The following CADM2 variants were observed in gnomAD, a reference collection of about 807,000 sequenced individuals.
CADM2 encodes immunoglobulin superfamily member 4D.
In CADM2, 12 loss-of-function variants were observed where a neutral mutation model predicts 49.8. That is an observed-to-expected ratio of 0.24 (90% CI 0.15 to 0.39). The LOEUF is 0.39. Ranked by LOEUF, CADM2 falls within the 10% of genes least tolerant of loss-of-function variation. CADM2 has a pLI of 1.00. For missense variants in CADM2, 378 were observed against 492.3 expected (o/e 0.77, Z 2.20); for synonymous variants, 214 against 175.4 (o/e 1.22, Z -1.74).
rs374225947 is a variant in CADM2, at chr3:85,640,309, A to G, written c.62-86213A>G. On this transcript the variant is annotated intron_variant, in intron 1 of 9. Transcript: ENST00000383699. ...CAGATTTTCAGATGTTGTTGAACGA[A>G]TGAGCAGAGCACAATCCATGTTTAA... Among the ~76,000 whole-genome samples the G allele has an allele frequency of 6.6e-4, 101 of 152,336 alleles. 1 individual carries two copies. Among genetic ancestry groups the G allele is most frequent in the African/African-American group, 2.2e-3 (91 of 41,578 alleles).
chr3:85,382,301 A>C (rs1233775734), intron 1 of CADM2, among the ~76,000 whole-genome samples: 2 of 152,158 alleles, frequency 1.3e-5, no homozygotes, highest in African/African-American at 4.8e-5. Flanking sequence ...AAAGGCCTCT[A>C]TGAGGTGTAA....
At chr3:85,173,156 G>T (rs550429298) in intron 1 of CADM2, among the ~76,000 whole-genome samples, 1 of 150,800 alleles carries the variant, frequency 6.6e-6, no homozygotes, top group East Asian at 2.0e-4. Flanking sequence ...CACCATGCCT[G>T]GCTAATTTTT....
chr3:85,971,695 A>G (rs1157654201), intron 8 of CADM2, among the ~76,000 whole-genome samples: 4 of 151,712 alleles, frequency 2.6e-5, no homozygotes, highest in South Asian at 2.1e-4. Context: ...GCTAAATGAT[A>G]TAGGATAATC....
rs564422108 is a variant in CADM2 at position 85,842,858 on chromosome 3, T to C, written c.239-40433T>C. Among the ~76,000 whole-genome samples, 18 of 152,244 alleles carry C rather than the reference T, an allele frequency of 1.2e-4. No individual in the cohort carries two copies. In the South Asian group the frequency reaches 3.7e-3, roughly 32 times the overall value. On this transcript the variant is annotated intron_variant, in intron 3 of 9. Transcript: ENST00000383699. ...TTCATTAGATATTAGATTCATAAAT[T>C]AGTAGATATTATACACAAAAGTTAT...
intron 5 of CADM2, among the ~76,000 whole-genome samples, chr3:85,903,207 T>A (rs1716349016): frequency 6.6e-6 from 1 of 152,134 alleles, no homozygotes. Context: ...CCCTGAATAA[T>A]CTTTGTTCTG....
intron 1 of CADM2, among the ~76,000 whole-genome samples, chr3:85,272,504 G>A (rs540719715): frequency 1.3e-5 from 2 of 151,264 alleles, no homozygotes; most frequent in Non-Finnish European, 3.0e-5. Flanking sequence ...CTATAAAAAT[G>A]CTTATTTTCT....
intron 1 of CADM2, among the ~76,000 whole-genome samples, chr3:85,554,756 C>T (rs548929831): frequency 5.3e-5 from 8 of 152,144 alleles, no homozygotes; most frequent in South Asian, 2.1e-4. Flanking sequence ...ATTGCAGTAG[C>T]GTGATCAGCT....
At chr3:85,974,872 A>T (rs1359710166) in intron 8 of CADM2, among the ~76,000 whole-genome samples, 1 of 151,606 alleles carries the variant, frequency 6.6e-6, no homozygotes. Flanking sequence ...TGAAAACAGT[A>T]CTTTATATAT....
intron 2 of CADM2, among the ~76,000 whole-genome samples, chr3:85,759,852 T>G (rs1035912043): frequency 6.6e-6 from 1 of 152,106 alleles, no homozygotes; most frequent in African/African-American, 2.4e-5. Context: ...TTGCTAGCTT[T>G]CAAGCAACAG....
intron 1 of CADM2, among the ~76,000 whole-genome samples, chr3:85,322,112 G>A (rs546560621): frequency 3.3e-5 from 5 of 152,054 alleles, no homozygotes; most frequent in Admixed American, 2.6e-4. Flanking sequence ...TTTATCTAAG[G>A]GTCAAAGTAC....
intron 1 of CADM2, among the ~76,000 whole-genome samples, chr3:85,106,436 A>G (rs983558059): frequency 2.5e-4 from 38 of 152,262 alleles, no homozygotes; most frequent in African/African-American, 8.9e-4. Context: ...TTAGTGAACC[A>G]TTCCAGAATG....
chr3:86,000,695 A>G (rs77353038), intron 8 of CADM2, among the ~76,000 whole-genome samples: 1 of 151,880 alleles, frequency 6.6e-6, no homozygotes, highest in Non-Finnish European at 1.5e-5. Flanking sequence ...AAAAAAAAAA[A>G]GCTTAGCCTG....
At chr3:85,868,374 C>A (rs1362107146) in intron 3 of CADM2, among the ~76,000 whole-genome samples, 1 of 151,952 alleles carries the variant, frequency 6.6e-6, no homozygotes, top group Non-Finnish European at 1.5e-5. Flanking sequence ...TCTATGATGA[C>A]AGTTTTCTTC....
intron 1 of CADM2, among the ~76,000 whole-genome samples, chr3:85,243,139 A>C (rs1353180531): frequency 6.6e-6 from 1 of 151,908 alleles, no homozygotes; most frequent in African/African-American, 2.4e-5. Context: ...AAATTGTATT[A>C]AATGGAAAGT....
chr3:86,070,875 T>G lies in CADM2; in HGVS notation c.*4092T>G, dbSNP rs1739807977. The G allele has an allele frequency of 6.6e-6, 1 of 151,856 alleles. No individual in the cohort carries two copies. Among genetic ancestry groups the G allele is most frequent in the African/African-American group, 2.4e-5 (1 of 41,416 alleles). The allele number at this position is 151,856 out of a possible 1,614,324, so 9.4% of individuals were successfully genotyped here. ...GAAATCTTAGTGTAGATAATAGAAT[T>G]TGTTTTGAAATATACACTGGCAATA... On this transcript the variant is annotated 3_prime_UTR_variant, in exon 10 of 10. Coordinates refer to ENST00000383699, the MANE Select transcript of CADM2 (RefSeq NM_001167675.2).
intron 1 of CADM2, among the ~76,000 whole-genome samples, chr3:85,684,526 G>A (rs1559591278): frequency 6.6e-6 from 1 of 152,114 alleles, no homozygotes; most frequent in East Asian, 1.9e-4. Flanking sequence ...AGTTGCTAGG[G>A]TCTTGTGTAT....
At chr3:85,038,179 A>C (rs1304299094) in intron 1 of CADM2, among the ~76,000 whole-genome samples, 1 of 152,210 alleles carries the variant, frequency 6.6e-6, no homozygotes, top group African/African-American at 2.4e-5. Context: ...ACAAATTTTA[A>C]GCATGAGTGC....
chr3:86,030,359 C>T (rs1734414997), intron 8 of CADM2, among the ~76,000 whole-genome samples: 2 of 151,860 alleles, frequency 1.3e-5, no homozygotes, highest in South Asian at 4.1e-4. Context: ...ACAAAAATAA[C>T]AAATTTCAGT....
chr3:85,434,962 G>T (rs1178494685), intron 1 of CADM2, among the ~76,000 whole-genome samples: 1 of 151,972 alleles, frequency 6.6e-6, no homozygotes, highest in Non-Finnish European at 1.5e-5. Context: ...TTGCTAACTA[G>T]TCAGTAATTT....
Sources: allele counts gnomAD v4.1 joint callset (sites outside exome capture counted in the v4.1 genomes callset), GRCh38; gene constraint gnomAD v4.1.1; transcripts MANE v1.5; gene names NCBI Gene and HGNC (gene_info 2026-07-23, HGNC 2026-07-21).